Variants in KLHL32 observed in about 807,000 individuals in gnomAD.
The protein encoded by KLHL32 is kelch like family member 32.
Under a neutral mutation model 64.8 loss-of-function variants are expected in KLHL32, and 35 were observed. The ratio of observed to expected loss-of-function variants is 0.54; its 90% CI spans 0.41 to 0.72. The LOEUF is 0.72. Ranked by LOEUF, KLHL32 falls within the 30% of genes least tolerant of loss-of-function variation. KLHL32 has a pLI of 0.00. For missense variants in KLHL32, 589 were observed against 768.5 expected, an observed-to-expected ratio of 0.77 and a Z score of 2.76; for synonymous variants, 259 against 281.0, an observed-to-expected ratio of 0.92 and a Z score of 0.78.
chr6:96,927,412 A>C (rs184118536), intron 1 of KLHL32, among the ~76,000 whole-genome samples: 1 of 152,270 alleles, frequency 6.6e-6, no homozygotes. Context: ...ACTCAGAGAC[A>C]TTAAATCCCA....
chr6:97,113,724 T>G, intron 6 of KLHL32, 59 bp from the exon 7 acceptor site: 1 of 1,571,590 alleles, frequency 6.4e-7, no homozygotes. Flanking sequence ...TATATGCTGT[T>G]GCTTTCTCTT....
At chr6:97,046,368 C>A (rs748835107) in intron 4 of KLHL32, among the ~76,000 whole-genome samples, 4 of 151,888 alleles carry the variant, frequency 2.6e-5, no homozygotes, top group Non-Finnish European at 4.4e-5. Context: ...GTCTGTTGTT[C>A]GTTTTTTATT....
chr6:96,979,560 C>T (rs1419590462), intron 3 of KLHL32, among the ~76,000 whole-genome samples: 1 of 151,760 alleles, frequency 6.6e-6, no homozygotes, highest in Non-Finnish European at 1.5e-5. Flanking sequence ...ATAGTTTGAA[C>T]TTGGGTAATG....
At chr6:96,928,376 G>C (rs1443721880) in intron 1 of KLHL32, among the ~76,000 whole-genome samples, 1 of 152,194 alleles carries the variant, frequency 6.6e-6, no homozygotes, top group Non-Finnish European at 1.5e-5. Flanking sequence ...CTGTAGCTGA[G>C]CGAGTGATGA....
intron 1 of KLHL32, among the ~76,000 whole-genome samples, chr6:96,964,700 T>C (rs113895192): frequency 1.2e-4 from 19 of 152,262 alleles, no homozygotes; most frequent in African/African-American, 4.6e-4. Flanking sequence ...TGCTAGCAAA[T>C]TTTAATTCAA....
intron 4 of KLHL32, among the ~76,000 whole-genome samples, chr6:97,053,392 A>G (rs1435393275): frequency 6.6e-6 from 1 of 152,294 alleles, no homozygotes; most frequent in East Asian, 1.9e-4. Flanking sequence ...CCATAAATAA[A>G]TCATTCCACA....
At chr6:97,069,286 C>T (rs1048088136) in intron 5 of KLHL32, among the ~76,000 whole-genome samples, 1 of 152,060 alleles carries the variant, frequency 6.6e-6, no homozygotes, top group African/African-American at 2.4e-5. Context: ...AAATTTTACA[C>T]TAAGTGGGCT....
intron 4 of KLHL32, among the ~76,000 whole-genome samples, chr6:97,047,394 C>T (rs1786096417): frequency 6.6e-6 from 1 of 152,138 alleles, no homozygotes; most frequent in East Asian, 1.9e-4. Context: ...ACAGCAGAAC[C>T]AATGGTGGAG....
intron 8 of KLHL32, among the ~76,000 whole-genome samples, chr6:97,130,221 C>T (rs1799287196): frequency 6.6e-6 from 1 of 152,100 alleles, no homozygotes; most frequent in Non-Finnish European, 1.5e-5. Context: ...TGTATTAGCT[C>T]ATTTAATCTT....
intron 5 of KLHL32, among the ~76,000 whole-genome samples, chr6:97,067,945 G>T (rs554929891): frequency 6.6e-6 from 1 of 151,978 alleles, no homozygotes; most frequent in Non-Finnish European, 1.5e-5. Flanking sequence ...CCTCAGTGGC[G>T]GGCAGAGCCT....
chr6:97,083,112 C>A (rs913241709), intron 5 of KLHL32, among the ~76,000 whole-genome samples: 1 of 152,120 alleles, frequency 6.6e-6, no homozygotes, highest in Non-Finnish European at 1.5e-5. Context: ...TTGGGGAAGG[C>A]TGGGTGCCGT....
the KLHL32 span, among the ~76,000 whole-genome samples, chr6:96,912,336 CCAAA>C: frequency 1.3e-5 from 2 of 152,158 alleles, no homozygotes; most frequent in African/African-American, 4.8e-5. Flanking sequence ...TGATTAACCA[CCAAA>C]CAGATAAACC....
chr6:97,073,366 G>A (rs1185762444), intron 5 of KLHL32, among the ~76,000 whole-genome samples: 1 of 152,106 alleles, frequency 6.6e-6, no homozygotes, highest in African/African-American at 2.4e-5. Context: ...CTTTCTTTCT[G>A]CCTCTGAAAT....
chr6:96,914,497 A>G, the KLHL32 span, among the ~76,000 whole-genome samples: 3 of 152,096 alleles, frequency 2.0e-5, no homozygotes, highest in Non-Finnish European at 2.9e-5. Context: ...CAAATAGATT[A>G]TGCTTTGTCT....
intron 6 of KLHL32, among the ~76,000 whole-genome samples, chr6:97,089,881 T>C (rs1793976557): frequency 6.6e-6 from 1 of 152,038 alleles, no homozygotes; most frequent in Non-Finnish European, 1.5e-5. Flanking sequence ...TGGACTTAAG[T>C]AGATATTAAG....
intron 1 of KLHL32, among the ~76,000 whole-genome samples, chr6:96,954,340 A>G (rs1179980901): frequency 1.4e-4 from 8 of 59,252 alleles, no homozygotes; most frequent in Non-Finnish European, 2.3e-4. Flanking sequence ...TTTTGCTTAG[A>G]TAATTCTCTT....
At chr6:96,980,190 C>G (rs192078743) in intron 3 of KLHL32, among the ~76,000 whole-genome samples, 1 of 152,104 alleles carries the variant, frequency 6.6e-6, no homozygotes, top group Admixed American at 6.6e-5. Flanking sequence ...CTAGGACTTC[C>G]AGTACTATGT....
At chr6:97,119,484 A>C (rs11968357) in intron 7 of KLHL32, among the ~76,000 whole-genome samples, 2,741 of 151,192 alleles carry the variant, frequency 0.018, 80 homozygotes, top group African/African-American at 0.064. Flanking sequence ...ATCAAGGTCC[A>C]AAATATTTCC....
At chr6:96,964,345 A>C (rs1440586010) in intron 1 of KLHL32, among the ~76,000 whole-genome samples, 1 of 152,240 alleles carries the variant, frequency 6.6e-6, no homozygotes, top group Non-Finnish European at 1.5e-5. Flanking sequence ...TTATGGTGAG[A>C]GAAACTTTTT....
Sources: allele counts gnomAD v4.1 joint callset (sites outside exome capture counted in the v4.1 genomes callset), GRCh38; gene constraint gnomAD v4.1.1; transcripts MANE v1.5; gene names NCBI Gene and HGNC (gene_info 2026-07-23, HGNC 2026-07-21).